SLC35E1: variants seen among roughly 807,000 people sequenced by gnomAD.
SLC35E1 encodes the protein solute carrier family 35 member E1.
A neutral mutation model predicts 31.0 loss-of-function variants in SLC35E1; 12 were observed. The observed-to-expected ratio is 0.39, with a 90% confidence interval of 0.25 to 0.63. The LOEUF (loss-of-function observed/expected upper bound fraction) is 0.63. Among genes scored for constraint, SLC35E1 ranks in the 20% least tolerant of loss-of-function variants. SLC35E1 has a pLI of 0.52. For synonymous variants in SLC35E1, 257 were observed against 264.1 expected, an observed-to-expected ratio of 0.97 and a Z score of 0.26; for missense variants, 429 against 572.2, an observed-to-expected ratio of 0.75 and a Z score of 2.55.
chr19:16,562,066 T>A (rs2085909160), intron 4 of SLC35E1, among the ~76,000 whole-genome samples: 1 of 150,206 alleles, frequency 6.7e-6, no homozygotes, highest in East Asian at 2.0e-4. Flanking sequence ...AAACATAACA[T>A]ACATAGCCTC....
Position 16,568,149 on chromosome 19 carries a change from G to T in SLC35E1, c.513C>A (p.Pro171=). 1 of 1,612,450 alleles carries T rather than the reference G, an allele frequency of 6.2e-7. No homozygotes were observed. The highest frequency in any genetic ancestry group is 1.7e-5 in the Admixed American group (1 of 59,776). Residue 171 remains proline (P), a synonymous_variant, in exon 3 of 6, where the codon CCC becomes CCA. Transcript: ENST00000595753. ...TGGCCAGCAGGACACCGCTGATGATGGGGATGAGTGACAAGTATACCTGCA... is the reference window on the plus strand; with the variant it reads ...TGGCCAGCAGGACACCGCTGATGATTGGGATGAGTGACAAGTATACCTGCA... The part of the protein sequence containing the change: ...QSTKVYLSLI[P]IISGVLLATV...
At chr19:16,570,423 A>G (rs2085951648) in intron 2 of SLC35E1, among the ~76,000 whole-genome samples, 1 of 152,196 alleles carries the variant, frequency 6.6e-6, no homozygotes. Flanking sequence ...ATAAAATACA[A>G]CATGCCAGAA....
chr19:16,553,641 G>A lies in SLC35E1; in HGVS notation c.*38C>T, dbSNP rs1207837613. The A allele has an allele frequency of 7.0e-7, 1 of 1,420,446 alleles. No homozygotes were observed. Among genetic ancestry groups the A allele is most frequent in the African/African-American group, 1.4e-5 (1 of 69,372 alleles). 88.0% of individuals were successfully genotyped at this position (1,420,446 alleles called of 1,614,324 possible). The stretch of plus-strand genomic sequence containing the variant: ...TTCTGATACTGCTGTGGGGGCCGGG[G>A]AAGGAGTCACCAACAGTCTGGTCCT... On this transcript the variant is annotated 3_prime_UTR_variant, in exon 6 of 6. Transcript: ENST00000595753.
intron 4 of SLC35E1, among the ~76,000 whole-genome samples, chr19:16,560,881 C>CAAAAAAAAAAAAAAAAAAAAAAAAAAA (rs1304202019): frequency 2.9e-5 from 2 of 68,060 alleles, no homozygotes; most frequent in Non-Finnish European, 5.8e-5. Flanking sequence ...AAAAAAAAAC[C>CAAAAAAAAAAAAAAAAAAAAAAAAAAA]AAAAAAAAAA....
At chr19:16,565,070 A>T (rs1481814107) in intron 4 of SLC35E1, 2 of 454,444 alleles carry the variant, frequency 4.4e-6, no homozygotes. Flanking sequence ...GAAGAATCGC[A>T]CTGGCCTCCT....
intron 4 of SLC35E1, among the ~76,000 whole-genome samples, chr19:16,562,466 T>C (rs1054103694): frequency 3.3e-5 from 5 of 152,228 alleles, no homozygotes; most frequent in African/African-American, 9.6e-5. Context: ...TTCAAGTCCC[T>C]TTTATAAAAT....
At chr19:16,559,589 G>A (rs2085894469) in intron 4 of SLC35E1, among the ~76,000 whole-genome samples, 1 of 152,034 alleles carries the variant, frequency 6.6e-6, no homozygotes, top group South Asian at 2.1e-4. Flanking sequence ...AGAGGTTGAG[G>A]TGGCAGTGAG....
At chr19:16,560,027 G>A (rs2122332153) in intron 4 of SLC35E1, among the ~76,000 whole-genome samples, 1 of 152,296 alleles carries the variant, frequency 6.6e-6, no homozygotes, top group Non-Finnish European at 1.5e-5. Flanking sequence ...TCCAATGTCA[G>A]TTATGTTTTC....
chr19:16,571,991 G>T lies in SLC35E1; in HGVS notation c.374C>A (p.Ser125Ter). Reference sequence around the variant, plus strand: ...CACCTTCCAGATGCTGACGTGCGCTGACACGGACGCGAAGTACTTGCCGAA... The same window carrying T: ...CACCTTCCAGATGCTGACGTGCGCTTACACGGACGCGAAGTACTTGCCGAA... The part of the protein sequence containing the change: ...LAFGKYFASV[S>*]AHVSIWKVPV... The change falls in exon 1 of 6, where the codon TCA (serine) becomes TAA (stop). Residue 125 changes from serine to a stop codon, truncating the protein, a stop_gained. Transcript: ENST00000595753. LOFTEE classifies it high-confidence loss of function. The T allele has an allele frequency of 6.5e-7, 1 of 1,547,198 alleles. No individual in the cohort carries two copies. The highest frequency in any genetic ancestry group is 8.7e-7 in the Non-Finnish European group (1 of 1,145,632).
chr19:16,553,800 C>G lies in SLC35E1; in HGVS notation c.1112G>C (p.Gly371Ala). 6.2e-7 allele frequency: 1 copy of G among 1,613,900 alleles called. No homozygotes were observed. The highest frequency in any genetic ancestry group is 1.1e-5 in the South Asian group (1 of 91,058). Residue 371 changes from glycine to alanine, a missense_variant, in exon 6 of 6, where the codon GGC becomes GCC. Transcript: ENST00000595753. ...GTCCCCGTGCTGGGGGAAGAGGAGG[C>G]CGTTGTGGGGCTTCTCCAGTGGGCT... is the stretch of plus-strand genomic sequence containing the variant. Reference protein sequence around the residue: ...HRSPLEKPHNGLLFPQHGDYQ... With the variant: ...HRSPLEKPHNALLFPQHGDYQ...
intron 2 of SLC35E1, among the ~76,000 whole-genome samples, chr19:16,568,762 A>G (rs1274794228): frequency 6.6e-6 from 1 of 152,110 alleles, no homozygotes; most frequent in Admixed American, 6.6e-5. Flanking sequence ...TGAACGCCTG[A>G]TCCACGTCAT....
At position 16,555,408 on chromosome 19, in the gene SLC35E1, C is replaced by A. The variant is rs200963666; in HGVS notation, c.757-11G>T. On this transcript the variant is annotated splice_polypyrimidine_tract_variant and intron_variant, in intron 4 of 5. Coordinates refer to ENST00000595753, the MANE Select transcript of SLC35E1 (RefSeq NM_024881.5). The surrounding 1 kb of genome is among the most constrained non-coding windows in gnomAD (Gnocchi z 4.1). The stretch of plus-strand genomic sequence containing the variant: ...CTGGTAGACGTAGGTCTGCAGAGAC[C>A]GGAAGGTAAAGACAGCACTTCAGTG... The A allele has an allele frequency of 6.2e-7, 1 of 1,612,484 alleles. No homozygotes were observed. Among genetic ancestry groups the A allele is most frequent in the African/African-American group, 1.3e-5 (1 of 74,960 alleles).
Position 16,555,423 on chromosome 19 carries a change from G to A in SLC35E1, c.757-26C>T. The A allele has an allele frequency of 1.2e-6, 2 of 1,609,756 alleles. No homozygotes were observed. Among genetic ancestry groups the A allele is most frequent in the Non-Finnish European group, 1.7e-6 (2 of 1,178,074 alleles). ...CTGCAGAGACCGGAAGGTAAAGACAGCACTTCAGTGGGCAGCGGTGACCCT... is the reference window on the plus strand; with the variant it reads ...CTGCAGAGACCGGAAGGTAAAGACAACACTTCAGTGGGCAGCGGTGACCCT... On this transcript the variant is annotated intron_variant, in intron 4 of 5. Coordinates refer to ENST00000595753, the MANE Select transcript of SLC35E1 (RefSeq NM_024881.5). This position sits in a 1 kb window ranked among gnomAD's most constrained non-coding sequence, Gnocchi z 4.1.
Position 16,555,407 on chromosome 19 carries a change from C to T in SLC35E1, c.757-10G>A, listed in dbSNP as rs772244976. On this transcript the variant is annotated splice_polypyrimidine_tract_variant and intron_variant, in intron 4 of 5. Coordinates refer to ENST00000595753, the MANE Select transcript of SLC35E1 (RefSeq NM_024881.5). The surrounding 1 kb of genome is among the most constrained non-coding windows in gnomAD (Gnocchi z 4.1). Reference sequence around the variant, plus strand: ...ACTGGTAGACGTAGGTCTGCAGAGACCGGAAGGTAAAGACAGCACTTCAGT... The same window carrying T: ...ACTGGTAGACGTAGGTCTGCAGAGATCGGAAGGTAAAGACAGCACTTCAGT... 3.7e-6 allele frequency: 6 copies of T among 1,612,668 alleles called. No individual in the cohort carries two copies. The highest frequency in any genetic ancestry group is 5.1e-6 in the Non-Finnish European group (6 of 1,179,728).
At chr19:16,557,190 T>C (rs1025546661) in intron 4 of SLC35E1, 2 of 323,708 alleles carry the variant, frequency 6.2e-6, no homozygotes, top group Non-Finnish European at 6.1e-6. Context: ...CGGTGCACAA[T>C]TCCAGGCATT....
chr19:16,570,544 G>C (rs80045545), intron 2 of SLC35E1, among the ~76,000 whole-genome samples: 2 of 152,232 alleles, frequency 1.3e-5, no homozygotes, highest in South Asian at 2.1e-4. Flanking sequence ...AGCTGTCTCC[G>C]GCTAAAGCCA....
At position 16,571,601 on chromosome 19, in the gene SLC35E1, G is replaced by A. The variant is rs531324048; in HGVS notation, c.422-19C>T. The A allele has an allele frequency of 6.8e-6, 11 of 1,613,228 alleles. No individual in the cohort carries two copies. The highest frequency in any genetic ancestry group is 1.7e-4 in the Middle Eastern group (1 of 6,038). On this transcript the variant is annotated intron_variant, in intron 1 of 5. Coordinates refer to ENST00000595753, the MANE Select transcript of SLC35E1 (RefSeq NM_024881.5). ...GCCTTGACTGCAAAGAGAGGGATGGGCACTCAGGGGGCTGCCTGAATTTCA... is the reference window on the plus strand; with the variant it reads ...GCCTTGACTGCAAAGAGAGGGATGGACACTCAGGGGGCTGCCTGAATTTCA...
At chr19:16,562,111 C>T (rs1022509789) in intron 4 of SLC35E1, among the ~76,000 whole-genome samples, 12 of 151,692 alleles carry the variant, frequency 7.9e-5, no homozygotes, top group African/African-American at 2.7e-4. Flanking sequence ...GGTATTACAA[C>T]AACAAAAAAG....
intron 1 of SLC35E1, among the ~76,000 whole-genome samples, 165 bp downstream of exon 1, chr19:16,571,779 C>G (rs1253140885): frequency 6.6e-6 from 1 of 152,208 alleles, no homozygotes; most frequent in African/African-American, 2.4e-5. Flanking sequence ...CTCCTCTTCT[C>G]CCTGAGAACC....
Sources: gnomAD v4.1 joint callset for allele counts (sites outside exome capture counted in the v4.1 genomes callset) on GRCh38, gnomAD v4.1.1 for gene constraint, Gnocchi (gnomAD v3.1) non-coding constraint, MANE v1.5 for transcripts, NCBI Gene and HGNC (gene_info 2026-07-23, HGNC 2026-07-21) for gene names.